The following CSE1L variants were observed in gnomAD, a reference collection of about 807,000 sequenced individuals.
CSE1L encodes the protein chromosome segregation 1 like.
In CSE1L, 24 loss-of-function variants were observed where a neutral mutation model predicts 120.4. The observed-to-expected ratio is 0.20, with a 90% CI of 0.14 to 0.28. The LOEUF (loss-of-function observed/expected upper bound fraction) is 0.28. Ranked by LOEUF, CSE1L falls within the 10% of genes least tolerant of loss-of-function variation. CSE1L has a pLI of 1.00. For missense variants in CSE1L, 830 were observed against 1,145.2 expected (o/e 0.72, Z 3.97); for synonymous variants, 402 against 398.3 (o/e 1.01, Z -0.11).
intron 1 of CSE1L, among the ~76,000 whole-genome samples, chr20:49,049,260 G>A (rs976699989): frequency 2.9e-4 from 43 of 148,592 alleles, no homozygotes; most frequent in Non-Finnish European, 1.5e-4. Context: ...ATCTCACTGT[G>A]TTGCCTGGGC....
intron 1 of CSE1L, among the ~76,000 whole-genome samples, chr20:49,053,254 G>C (rs1040652380): frequency 3.4e-5 from 5 of 148,612 alleles, no homozygotes; most frequent in Admixed American, 1.3e-4. Context: ...AATCCCCAAA[G>C]GTAGAATAAA....
chr20:49,075,651 A>G, intron 12 of CSE1L, 131 bp downstream of exon 12: 1 of 745,188 alleles, frequency 1.3e-6, no homozygotes, highest in Non-Finnish European at 2.1e-6. Context: ...GATTTATATA[A>G]TCTCTGAAGA....
At chr20:49,084,646 G>A (rs930386249) in intron 15 of CSE1L, among the ~76,000 whole-genome samples, 10 of 152,170 alleles carry the variant, frequency 6.6e-5, no homozygotes, top group East Asian at 1.9e-4. Flanking sequence ...TGACCTAACC[G>A]AATGAAAGTA....
chr20:49,071,453 T>C (rs531792596), intron 8 of CSE1L, among the ~76,000 whole-genome samples: 98 of 152,248 alleles, frequency 6.4e-4, no homozygotes, highest in Middle Eastern at 3.4e-3. Flanking sequence ...AAGTAATCAG[T>C]GTGAGGGAGT....
intron 23 of CSE1L, 47 bp downstream of exon 23, chr20:49,094,333 A>G (rs754988079): frequency 1.4e-5 from 22 of 1,552,058 alleles, no homozygotes; most frequent in South Asian, 4.7e-5. Context: ...CTTCCTTCCC[A>G]TATGACTGCA....
At chr20:49,081,282 G>A (rs1014824456) in intron 14 of CSE1L, among the ~76,000 whole-genome samples, 3 of 151,484 alleles carry the variant, frequency 2.0e-5, no homozygotes, top group East Asian at 1.9e-4. Flanking sequence ...TACCACGCCC[G>A]GCCCATTTCT....
At chr20:49,093,805 T>G (rs2092119572) in intron 22 of CSE1L, among the ~76,000 whole-genome samples, 1 of 151,822 alleles carries the variant, frequency 6.6e-6, no homozygotes, top group Admixed American at 6.6e-5. Flanking sequence ...TAATCCCACC[T>G]ACTCAGGGGG....
At chr20:49,054,812 T>C (rs981940842) in intron 1 of CSE1L, among the ~76,000 whole-genome samples, 1 of 152,242 alleles carries the variant, frequency 6.6e-6, no homozygotes, top group Non-Finnish European at 1.5e-5. Context: ...CTATATGATC[T>C]GGTCTTGATC....
intron 1 of CSE1L, among the ~76,000 whole-genome samples, chr20:49,052,037 T>C (rs1467921167): frequency 2.6e-5 from 4 of 152,332 alleles, no homozygotes; most frequent in African/African-American, 9.6e-5. Flanking sequence ...TACTTTTGAA[T>C]AAACAAATTT....
intron 14 of CSE1L, among the ~76,000 whole-genome samples, chr20:49,083,011 C>CTT (rs11478194): frequency 2.0e-5 from 3 of 146,384 alleles, no homozygotes; most frequent in African/African-American, 7.5e-5. Context: ...TCCTTAACAT[C>CTT]TTTTTTTTTT....
At chr20:49,077,896 T>G (rs1213541495) in intron 13 of CSE1L, among the ~76,000 whole-genome samples, 1 of 151,812 alleles carries the variant, frequency 6.6e-6, no homozygotes, top group East Asian at 1.9e-4. Flanking sequence ...CCCAGCTATT[T>G]GGGAGGCTGA....
intron 8 of CSE1L, among the ~76,000 whole-genome samples, chr20:49,071,121 A>C (rs1358938372): frequency 6.6e-6 from 1 of 152,240 alleles, no homozygotes; most frequent in Non-Finnish European, 1.5e-5. Context: ...AAGACAAAAT[A>C]TTAAAAATAT....
intron 2 of CSE1L, among the ~76,000 whole-genome samples, chr20:49,061,468 G>T (rs1270317118): frequency 7.1e-6 from 1 of 140,012 alleles, no homozygotes; most frequent in East Asian, 2.3e-4. Flanking sequence ...CACCGTGCCC[G>T]GTGGAAAAAT....
At chr20:49,051,286 C>T (rs990270471) in intron 1 of CSE1L, among the ~76,000 whole-genome samples, 18 of 152,358 alleles carry the variant, frequency 1.2e-4, no homozygotes, top group African/African-American at 4.1e-4. Flanking sequence ...TGGCTCATGC[C>T]TGTAATCCCA....
Position 49,067,236 on chromosome 20 carries a change from C to T in CSE1L, c.523C>T (p.Leu175Phe). 7.4e-6 allele frequency: 12 copies of T among 1,611,490 alleles called. No individual in the cohort carries two copies. Among genetic ancestry groups the T allele is most frequent in the Non-Finnish European group, 1.0e-5 (12 of 1,178,458 alleles). The part of the protein sequence containing the change: ...KSNELWTEIK[L>F]VLDAFALPLT... ...AAACGAGTTATGGACTGAAATTAAG[C>T]TTGTTCTGGATGCCTTTGCTTTGCC... Residue 175 changes from leucine to phenylalanine, a missense_variant, in exon 6 of 25, where the codon CTT becomes TTT. By Grantham distance (22) the Leu-to-Phe change is conservative. This residue lies in a region of CSE1L where 543 missense variants were observed against 640.2 expected (regional missense o/e 0.85). Coordinates refer to ENST00000262982, the MANE Select transcript of CSE1L (RefSeq NM_001316.4).
chr20:49,073,431 A>C (rs2091946680), intron 10 of CSE1L, among the ~76,000 whole-genome samples: 2 of 152,182 alleles, frequency 1.3e-5, no homozygotes. Context: ...TATATTTATA[A>C]AATGTATGTC....
At chr20:49,046,760 G>T (rs1036047365) in intron 1 of CSE1L, among the ~76,000 whole-genome samples, 26 of 152,240 alleles carry the variant, frequency 1.7e-4, no homozygotes, top group Non-Finnish European at 3.4e-4. Flanking sequence ...CTGCGCCGCC[G>T]CCTCTCCGCT....
chr20:49,059,965 C>G (rs56313003), intron 2 of CSE1L, among the ~76,000 whole-genome samples: 1 of 151,534 alleles, frequency 6.6e-6, no homozygotes, highest in Non-Finnish European at 1.5e-5. Context: ...CAGGAAGATC[C>G]CTTGAGTCCA....
chr20:49,073,301 C>T (rs8118101), intron 10 of CSE1L, among the ~76,000 whole-genome samples: 32,832 of 152,136 alleles, frequency 0.22, 3,679 homozygotes, highest in Non-Finnish European at 0.24. Context: ...TTCTGAGCCA[C>T]CTCGCCCAGA....
Sources: allele counts gnomAD v4.1 joint callset (sites outside exome capture counted in the v4.1 genomes callset), GRCh38; gene constraint gnomAD v4.1.1; regional missense constraint gnomAD v4.1.1; transcripts MANE v1.5; gene names NCBI Gene and HGNC (gene_info 2026-07-23, HGNC 2026-07-21).